The following UGT2B4 variants were observed in gnomAD, a reference collection of about 807,000 sequenced individuals.
UGT2B4 encodes the protein UDP-glucuronosyltransferase 2B4.
A neutral mutation model predicts 49.8 loss-of-function variants in UGT2B4; 49 were observed. The ratio of observed to expected loss-of-function variants is 0.98; its 90% CI spans 0.78 to 1.25. The LOEUF is 1.25. Among genes scored for constraint, UGT2B4 ranks in the 50% most tolerant of loss-of-function variants. The pLI, the probability that UGT2B4 is intolerant of heterozygous loss-of-function variation, is 0.00. For missense variants in UGT2B4, 729 were observed against 627.7 expected (o/e 1.16, Z -1.73); for synonymous variants, 246 against 217.7 (o/e 1.13, Z -1.14).
intron 2 of UGT2B4, among the ~76,000 whole-genome samples, chr4:69,490,685 C>A (rs1346867719): frequency 6.6e-6 from 1 of 152,116 alleles, no homozygotes; most frequent in Non-Finnish European, 1.5e-5. Context: ...TATTTGCAGA[C>A]CACATATGGC....
At chr4:69,496,094 C>T (rs954651129), upstream of UGT2B4, 8 of 406,612 alleles carry the variant, frequency 2.0e-5, no homozygotes, top group African/African-American at 4.2e-5. Context: ...TTTGAGAGCT[C>T]ACTGCAAGCT....
At chr4:69,497,822 A>G (rs192742563), upstream of UGT2B4, among the ~76,000 whole-genome samples, 1 of 152,254 alleles carries the variant, frequency 6.6e-6, no homozygotes, top group Non-Finnish European at 1.5e-5. Context: ...AAGTACCACT[A>G]TGGGAAAATT....
At chr4:69,502,336 T>G (rs939176994) in intron 1 of UGT2B4, among the ~76,000 whole-genome samples, 1 of 151,846 alleles carries the variant, frequency 6.6e-6, no homozygotes, top group African/African-American at 2.4e-5. Flanking sequence ...CACCGAGGTA[T>G]TAACACAGTC....
intron 1 of UGT2B4, among the ~76,000 whole-genome samples, chr4:69,508,481 G>T (rs190539412): frequency 1.3e-5 from 2 of 152,286 alleles, no homozygotes; most frequent in East Asian, 3.9e-4. Context: ...ACTGGATAAA[G>T]AATATGTGGT....
intron 1 of UGT2B4, among the ~76,000 whole-genome samples, chr4:69,507,957 A>G (rs1228272270): frequency 1.3e-5 from 2 of 152,220 alleles, no homozygotes; most frequent in Non-Finnish European, 2.9e-5. Context: ...TAAACTATGC[A>G]TCTGGCTAAA....
At position 69,486,646 on chromosome 4, in the gene UGT2B4, A is replaced by T; in HGVS notation, c.1053T>A (p.Thr351=). 1 of 1,609,108 alleles carries T rather than the reference A, an allele frequency of 6.2e-7. No homozygotes were observed. The highest frequency in any genetic ancestry group is 8.5e-7 in the Non-Finnish European group (1 of 1,178,398). The stretch of plus-strand genomic sequence containing the variant: ...TCTGGGGTATCCACTTGTACAGCCG[A>T]GTATTGAGTCCTAAAGTATCTGGTT... The part of the protein sequence containing the change: ...GNKPDTLGLN[T]RLYKWIPQND... The change falls in exon 4 of 6, where the codon ACT becomes ACA. Residue 351 remains threonine (T), a synonymous_variant. Coordinates refer to ENST00000305107, the MANE Select transcript of UGT2B4 (RefSeq NM_021139.3).
At chr4:69,497,886 A>G (rs962328757), upstream of UGT2B4, among the ~76,000 whole-genome samples, 1 of 152,254 alleles carries the variant, frequency 6.6e-6, no homozygotes, top group Non-Finnish European at 1.5e-5. Flanking sequence ...AAGAAGGGTT[A>G]GTGGATGTGG....
chr4:69,516,879 T>C (rs539566611), intron 1 of UGT2B4, among the ~76,000 whole-genome samples: 101 of 151,942 alleles, frequency 6.6e-4, no homozygotes, highest in Admixed American at 6.2e-3. Context: ...AAGGCTTCTT[T>C]TTTTTTTTCT....
chr4:69,520,850 G>A (rs1728833771), intron 1 of UGT2B4, among the ~76,000 whole-genome samples: 1 of 152,150 alleles, frequency 6.6e-6, no homozygotes, highest in African/African-American at 2.4e-5. Flanking sequence ...GCGGTAAGAG[G>A]CAGATCCCTG....
Position 69,493,825 on chromosome 4 carries a change from T to A in UGT2B4, c.738A>T (p.Leu246Phe). Residue 246 changes from leucine to phenylalanine, a missense_variant, in exon 2 of 6, where the codon TTA becomes TTT. Transcript: ENST00000305107. ...TGTCAGCTTTTGCCATTGTCTCAGA[T>A]AACGTAGTGGGTCTTCCTGATGGGG... is the stretch of plus-strand genomic sequence containing the variant. ...YSEVLGRPTT[L>F]SETMAKADIW... 6.2e-7 allele frequency: 1 copy of A among 1,602,656 alleles called. No individual in the cohort carries two copies. Among genetic ancestry groups the A allele is most frequent in the African/African-American group, 1.3e-5 (1 of 74,102 alleles).
At chr4:69,491,714 C>T (rs1456801707) in intron 2 of UGT2B4, among the ~76,000 whole-genome samples, 1 of 152,086 alleles carries the variant, frequency 6.6e-6, no homozygotes, top group South Asian at 2.1e-4. Context: ...TTCCACACCT[C>T]GTACTCTCTT....
At chr4:69,522,329 G>A (rs1437905076) in intron 1 of UGT2B4, among the ~76,000 whole-genome samples, 1 of 152,084 alleles carries the variant, frequency 6.6e-6, no homozygotes, top group Non-Finnish European at 1.5e-5. Flanking sequence ...TTCTCATGTA[G>A]ACTATCCGTT....
chr4:69,511,238 T>C (rs890349264), intron 1 of UGT2B4, among the ~76,000 whole-genome samples: 4 of 152,038 alleles, frequency 2.6e-5, no homozygotes, highest in Admixed American at 6.6e-5. Context: ...GATCCACCCG[T>C]CTAGGCTTCT....
intron 4 of UGT2B4, among the ~76,000 whole-genome samples, chr4:69,486,180 T>C (rs1028727996): frequency 6.6e-6 from 1 of 152,160 alleles, no homozygotes; most frequent in Non-Finnish European, 1.5e-5. Flanking sequence ...CATTATGAAA[T>C]GTGTCATCAC....
Position 69,495,616 on chromosome 4 carries a change from A to C in UGT2B4, c.246T>G (p.Thr82=). ...LKFEVYPVSL[T]KTEFEDIIKQ... ...TGATAATATCCTCAAACTCAGTTTT[A>C]GTTAAAGATACAGGATAAACTTCAA... is the stretch of plus-strand genomic sequence containing the variant. Residue 82 remains threonine (T), a synonymous_variant, in exon 1 of 6, where the codon ACT becomes ACG. Transcript: ENST00000305107. 6.2e-7 allele frequency: 1 copy of C among 1,614,048 alleles called. No individual in the cohort carries two copies. The highest frequency in any genetic ancestry group is 8.5e-7 in the Non-Finnish European group (1 of 1,179,986).
upstream of UGT2B4, among the ~76,000 whole-genome samples, chr4:69,500,666 A>AAAGGAAGGAAGG: frequency 8.8e-6 from 1 of 113,796 alleles, no homozygotes; most frequent in Non-Finnish European, 2.1e-5. Flanking sequence ...AGAAAGAAAG[A>AAAGGAAGGAAGG]AAGGAAGGAA....
intron 4 of UGT2B4, 145 bp from the exon 5 acceptor site, chr4:69,485,572 C>T (rs2109804793): frequency 9.0e-7 from 1 of 1,108,260 alleles, no homozygotes; most frequent in Non-Finnish European, 1.3e-6. Context: ...GAAGGAACGC[C>T]TACTTCTGCT....
intron 1 of UGT2B4, among the ~76,000 whole-genome samples, chr4:69,513,562 C>CT (rs1041585747): frequency 3.0e-4 from 46 of 151,844 alleles, no homozygotes; most frequent in African/African-American, 1.1e-3. Context: ...GCCTTGGTCT[C>CT]TTTTTTCTTT....
rs114288606 is a variant in UGT2B4, at chr4:69,487,559, A to G, written c.1003-863T>C. On this transcript the variant is annotated intron_variant, in intron 3 of 5. Transcript: ENST00000305107. ...CTAAAACATGAGAACACATGAACATATAGAGAGGAATAACATACACTGGGG... is the reference window on the plus strand; with the variant it reads ...CTAAAACATGAGAACACATGAACATGTAGAGAGGAATAACATACACTGGGG... Among the ~76,000 whole-genome samples, 600 of 152,214 alleles carry G rather than the reference A, an allele frequency of 3.9e-3. 11 individuals are homozygous for G. The highest frequency in any genetic ancestry group is 0.023 in the Admixed American group (354 of 15,284).
Sources: gnomAD v4.1 joint callset for allele counts (sites outside exome capture counted in the v4.1 genomes callset) on GRCh38, gnomAD v4.1.1 for gene constraint, MANE v1.5 for transcripts, NCBI Gene and HGNC (gene_info 2026-07-23, HGNC 2026-07-21) for gene names.